CLXN: variants seen among roughly 807,000 people sequenced by gnomAD.
CLXN encodes calaxin.
chr8:48,729,685 AT>A, the CLXN span: 1 of 1,563,334 alleles, frequency 6.4e-7, no homozygotes, highest in African/African-American at 1.4e-5. Context: ...TGGCCCACAA[AT>A]TTTAATAAAA....
At chr8:48,714,496 C>T in the CLXN span, among the ~76,000 whole-genome samples, 1 of 152,124 alleles carries the variant, frequency 6.6e-6, no homozygotes, top group African/African-American at 2.4e-5. Context: ...TTGTTGTTGA[C>T]ATCTTTTAGG....
At chr8:48,730,434 C>A in the CLXN span, 1 of 607,556 alleles carries the variant, frequency 1.6e-6, no homozygotes, top group African/African-American at 1.9e-5. Flanking sequence ...AACTAACCAG[C>A]CAACCAACAA....
At chr8:48,712,142 G>A in the CLXN span, 4 of 152,182 alleles carry the variant, frequency 2.6e-5, no homozygotes, top group Admixed American at 6.5e-5. Flanking sequence ...TTTCTGCTGG[G>A]AGGCAGTGAC....
the CLXN span, among the ~76,000 whole-genome samples, chr8:48,712,999 A>G: frequency 2.0e-5 from 3 of 151,818 alleles, no homozygotes; most frequent in Admixed American, 6.5e-5. Context: ...TCAAAAAAAA[A>G]AAAAAAAAAA....
At chr8:48,717,056 T>G in the CLXN span, among the ~76,000 whole-genome samples, 2,284 of 152,112 alleles carry the variant, frequency 0.015, 27 homozygotes, top group Non-Finnish European at 0.019. Flanking sequence ...TCCCAGCTAC[T>G]TGGGAGGCTG....
At chr8:48,713,993 G>A in the CLXN span, 1 of 152,296 alleles carries the variant, frequency 6.6e-6, no homozygotes, top group Admixed American at 6.5e-5. Context: ...GTGCTGGGAA[G>A]AGAAGGGGAA....
At chr8:48,729,090 T>C in the CLXN span, 1 of 1,613,572 alleles carries the variant, frequency 6.2e-7, no homozygotes, top group Non-Finnish European at 8.5e-7. Context: ...GAAGAGTCTC[T>C]TCTCTCACAG....
chr8:48,735,144 C>A, the CLXN span: 8 of 1,614,082 alleles, frequency 5.0e-6, no homozygotes, highest in Non-Finnish European at 5.9e-6. Flanking sequence ...CAGTTTCTTG[C>A]GGTTCATGTC....
At chr8:48,712,221 T>A in the CLXN span, 1 of 152,250 alleles carries the variant, frequency 6.6e-6, no homozygotes, top group African/African-American at 2.4e-5. Context: ...CTGTTCTCTG[T>A]CTTCAGGCTG....
chr8:48,719,719 C>A, the CLXN span, among the ~76,000 whole-genome samples: 1 of 152,180 alleles, frequency 6.6e-6, no homozygotes, highest in Admixed American at 6.5e-5. Context: ...GTTCACCAAC[C>A]ATTCATGATG....
the CLXN span, among the ~76,000 whole-genome samples, chr8:48,731,044 T>A: frequency 6.6e-6 from 1 of 152,214 alleles, no homozygotes; most frequent in African/African-American, 2.4e-5. Context: ...ATGTAAAGAA[T>A]GTAAATGTCC....
At chr8:48,713,889 T>C in the CLXN span, 2 of 152,210 alleles carry the variant, frequency 1.3e-5, no homozygotes, top group African/African-American at 4.8e-5. Flanking sequence ...AAACACTTAA[T>C]TGTTTCCCAA....
chr8:48,733,929 C>T, the CLXN span, among the ~76,000 whole-genome samples: 1 of 152,060 alleles, frequency 6.6e-6, no homozygotes, highest in African/African-American at 2.4e-5. Flanking sequence ...TAGAAGAATA[C>T]CTATTCTCCC....
the CLXN span, among the ~76,000 whole-genome samples, chr8:48,727,625 G>T: frequency 6.6e-6 from 1 of 152,050 alleles, no homozygotes; most frequent in East Asian, 1.9e-4. Context: ...AGAGAAGGGA[G>T]ATGATAGGAC....
the CLXN span, among the ~76,000 whole-genome samples, chr8:48,722,638 T>A: frequency 2.0e-5 from 3 of 152,150 alleles, no homozygotes; most frequent in Admixed American, 2.0e-4. Context: ...AGGCAATTAC[T>A]GCCCCGTGCA....
chr8:48,732,277 C>A, the CLXN span, among the ~76,000 whole-genome samples: 4 of 152,022 alleles, frequency 2.6e-5, no homozygotes, highest in Non-Finnish European at 5.9e-5. Flanking sequence ...CAAGTATGGG[C>A]GGAAGTTGGG....
At chr8:48,731,489 C>T in the CLXN span, 1 of 1,601,400 alleles carries the variant, frequency 6.2e-7, no homozygotes, top group Non-Finnish European at 8.5e-7. Context: ...AGACAGTTCA[C>T]TTCAAATTTA....
chr8:48,712,811 C>T, the CLXN span, among the ~76,000 whole-genome samples: 3 of 151,882 alleles, frequency 2.0e-5, no homozygotes, highest in Admixed American at 1.3e-4. Flanking sequence ...CCAGCCTGAC[C>T]AACATGGTGA....
At chr8:48,718,589 T>C in the CLXN span, among the ~76,000 whole-genome samples, 2 of 152,086 alleles carry the variant, frequency 1.3e-5, no homozygotes, top group Non-Finnish European at 2.9e-5. Context: ...TTAAGAAGAC[T>C]GAAATCATTA....
Sources: gnomAD v4.1 joint callset for allele counts (sites outside exome capture counted in the v4.1 genomes callset) on GRCh38, gnomAD v4.1.1 for gene constraint, MANE v1.5 for transcripts, NCBI Gene and HGNC (gene_info 2026-07-23, HGNC 2026-07-21) for gene names.